UPF2: variants seen among roughly 807,000 people sequenced by gnomAD.
UPF2 encodes UPF2 regulator of nonsense mediated mRNA decay, also known as regulator of nonsense transcripts 2.
Under a neutral mutation model 141.4 loss-of-function variants are expected in UPF2, and 17 were observed. The observed-to-expected ratio is 0.12, with a 90% CI of 0.08 to 0.18. UPF2 has a LOEUF of 0.18. Ranked by LOEUF, UPF2 falls within the 10% of genes least tolerant of loss-of-function variation. The pLI, the probability that UPF2 is intolerant of heterozygous loss-of-function variation, is 1.00. For synonymous variants in UPF2, 540 were observed against 498.0 expected, an observed-to-expected ratio of 1.08 and a Z score of -1.12; for missense variants, 1,152 against 1,515.9, an observed-to-expected ratio of 0.76 and a Z score of 3.99.
At chr10:12,012,619 G>A (rs967273914) in intron 4 of UPF2, among the ~76,000 whole-genome samples, 2 of 150,970 alleles carry the variant, frequency 1.3e-5, no homozygotes, top group Non-Finnish European at 3.0e-5. Context: ...CTAACATGGT[G>A]AAACCCCGTC....
intron 8 of UPF2, among the ~76,000 whole-genome samples, chr10:11,981,463 C>T (rs761196720): frequency 2.6e-5 from 4 of 152,022 alleles, no homozygotes; most frequent in South Asian, 2.1e-4. Flanking sequence ...GTAGTATTAC[C>T]GCAATAATTT....
At chr10:11,943,995 AAAACAAAAAAC>A (rs1832969057) in intron 16 of UPF2, among the ~76,000 whole-genome samples, 1 of 136,124 alleles carries the variant, frequency 7.3e-6, no homozygotes, top group South Asian at 2.4e-4. Context: ...AAGAGTAAAA[AAAACAAAAAAC>A]AAACAAAAAA....
chr10:11,993,420 G>A (rs1252444340), intron 8 of UPF2, among the ~76,000 whole-genome samples: 2 of 151,852 alleles, frequency 1.3e-5, no homozygotes, highest in Non-Finnish European at 2.9e-5. Flanking sequence ...CTGGGCAAGA[G>A]GCCAAAAATG....
intron 5 of UPF2, among the ~76,000 whole-genome samples, chr10:12,003,430 G>T (rs1564362683): frequency 6.6e-6 from 1 of 152,164 alleles, no homozygotes; most frequent in Non-Finnish European, 1.5e-5. Flanking sequence ...ACAGAACAAT[G>T]CAGGAAGGCA....
At chr10:11,989,847 G>A (rs1833750710) in intron 8 of UPF2, among the ~76,000 whole-genome samples, 1 of 152,092 alleles carries the variant, frequency 6.6e-6, no homozygotes, top group African/African-American at 2.4e-5. Flanking sequence ...AAGTGGTCTG[G>A]ATCCTTGAGT....
rs141226136 is a variant in UPF2, at chr10:11,962,171, A to C, written c.2184+1838T>G. On this transcript the variant is annotated intron_variant, in intron 11 of 21. Transcript: ENST00000357604. ...ACCTGTTAGCTGGCCTGCTTTAGAA[A>C]CTTTTCCCCCACACACGCACACTCA... Among the ~76,000 whole-genome samples the C allele has an allele frequency of 1.6e-3, 244 of 152,266 alleles. 1 individual carries two copies. The highest frequency in any genetic ancestry group is 5.4e-3 in the African/African-American group (226 of 41,548).
chr10:11,945,982 T>A (rs1832995687), intron 16 of UPF2, among the ~76,000 whole-genome samples: 1 of 152,158 alleles, frequency 6.6e-6, no homozygotes, highest in Non-Finnish European at 1.5e-5. Context: ...CAATATAATG[T>A]TCATCTAGTA....
intron 8 of UPF2, among the ~76,000 whole-genome samples, chr10:11,985,075 A>G (rs1246560098): frequency 6.6e-6 from 1 of 152,326 alleles, no homozygotes; most frequent in African/African-American, 2.4e-5. Context: ...TCAATGAAGT[A>G]ACAACACGGG....
chr10:11,963,474 C>T (rs1833271988), intron 11 of UPF2, among the ~76,000 whole-genome samples: 3 of 152,130 alleles, frequency 2.0e-5, no homozygotes, highest in Admixed American at 2.0e-4. Context: ...GTAGTTGGGA[C>T]TACAGGAAAG....
Position 11,980,675 on chromosome 10 carries a change from G to A in UPF2, c.1845-1510C>T, listed in dbSNP as rs1474215704. Among the ~76,000 whole-genome samples the A allele has an allele frequency of 6.6e-6, 1 of 152,142 alleles. No individual in the cohort carries two copies. Among genetic ancestry groups the A allele is most frequent in the South Asian group, 2.1e-4 (1 of 4,832 alleles). ...TTGAACCCAGGAGGCAGAGGTTGCA[G>A]TGAGCTGAGATCACACCATTGCAAT... On this transcript the variant is annotated intron_variant, in intron 8 of 21. Transcript: ENST00000357604. The surrounding 1 kb of genome is among the most constrained non-coding windows in gnomAD (Gnocchi z 4.2).
chr10:12,037,129 G>C (rs909087982), intron 1 of UPF2, among the ~76,000 whole-genome samples: 14 of 152,154 alleles, frequency 9.2e-5, no homozygotes, highest in Non-Finnish European at 1.9e-4. Flanking sequence ...TTGTCGCCCA[G>C]GCTGGAGTGC....
chr10:11,967,179 C>A (rs536542064), intron 10 of UPF2, among the ~76,000 whole-genome samples, 162 bp downstream of exon 10: 17 of 152,276 alleles, frequency 1.1e-4, no homozygotes, highest in African/African-American at 3.8e-4. Context: ...TAAGATCTCA[C>A]TATTTGTTTT....
intron 3 of UPF2, among the ~76,000 whole-genome samples, chr10:12,018,617 T>C (rs1588572664): frequency 6.7e-6 from 1 of 150,162 alleles, no homozygotes; most frequent in Non-Finnish European, 1.5e-5. Context: ...TTGGATGCGG[T>C]GGTGGGCACC....
At chr10:12,017,160 T>C (rs1834237277) in intron 3 of UPF2, among the ~76,000 whole-genome samples, 1 of 152,040 alleles carries the variant, frequency 6.6e-6, no homozygotes, top group African/African-American at 2.4e-5. Context: ...CAAATTATAT[T>C]AAAGGGATAA....
chr10:11,951,756 A>G (rs943879688), intron 15 of UPF2, among the ~76,000 whole-genome samples: 1 of 152,190 alleles, frequency 6.6e-6, no homozygotes, highest in Non-Finnish European at 1.5e-5. Context: ...TAAAAAATAG[A>G]TTTTATATTA....
chr10:12,032,185 T>A (rs1834536197), intron 2 of UPF2, among the ~76,000 whole-genome samples: 1 of 151,626 alleles, frequency 6.6e-6, no homozygotes, highest in African/African-American at 2.4e-5. Context: ...TCCCAGCTAC[T>A]CGGGAGGCTG....
Position 12,019,881 on chromosome 10 carries a change from C to A in UPF2, c.1146-5697G>T, listed in dbSNP as rs1588573384. On this transcript the variant is annotated intron_variant, in intron 3 of 21. Transcript: ENST00000357604. The surrounding 1 kb of genome is among the most constrained non-coding windows in gnomAD (Gnocchi z 4.5). ...CTGGGATTACAGGAGCCTGCCACCA[C>A]ACCCGGCTAATTTTTGTATTTTTAG... 6.6e-6 allele frequency among the ~76,000 whole-genome samples: 1 copy of A among 152,114 alleles called. No homozygotes were observed. The highest frequency in any genetic ancestry group is 2.4e-5 in the African/African-American group (1 of 41,448).
intron 16 of UPF2, among the ~76,000 whole-genome samples, chr10:11,945,900 T>C (rs1484559284): frequency 5.3e-5 from 8 of 152,152 alleles, no homozygotes; most frequent in Non-Finnish European, 1.0e-4. Context: ...TTTGTTGTTA[T>C]AAAATACTTA....
intron 8 of UPF2, among the ~76,000 whole-genome samples, chr10:11,984,473 T>C (rs1833653841): frequency 6.6e-6 from 1 of 152,182 alleles, no homozygotes; most frequent in Admixed American, 6.5e-5. Context: ...TTTCTAAAAC[T>C]TTTATCTTAG....
Sources: gnomAD v4.1 joint callset for allele counts (sites outside exome capture counted in the v4.1 genomes callset) on GRCh38, gnomAD v4.1.1 for gene constraint, Gnocchi (gnomAD v3.1) non-coding constraint, MANE v1.5 for transcripts, NCBI Gene and HGNC (gene_info 2026-07-23, HGNC 2026-07-21) for gene names.